The following SERPINB7 variants were observed in gnomAD, a reference collection of about 807,000 sequenced individuals.
SERPINB7 encodes the protein serpin B7.
In SERPINB7, 31 loss-of-function variants were observed where a neutral mutation model predicts 37.4. That is an observed-to-expected ratio of 0.83 (90% CI 0.62 to 1.12). SERPINB7 has a LOEUF of 1.12. SERPINB7 is among the 50% of genes most tolerant of loss of function. The probability of loss-of-function intolerance (pLI) is 0.00; values close to 1 mark genes in which losing one functional copy is unlikely to be tolerated. For synonymous variants in SERPINB7, 163 were observed against 166.1 expected (o/e 0.98, Z 0.14); for missense variants, 521 against 455.3 (o/e 1.14, Z -1.31).
At chr18:63,778,729 C>G (rs149967920) in intron 1 of SERPINB7, among the ~76,000 whole-genome samples, 1 of 151,852 alleles carries the variant, frequency 6.6e-6, no homozygotes, top group Non-Finnish European at 1.5e-5. Context: ...TGTTTTGATG[C>G]TAATAATATA....
chr18:63,798,009 A>G (rs1292016955), intron 5 of SERPINB7, among the ~76,000 whole-genome samples: 1 of 152,240 alleles, frequency 6.6e-6, no homozygotes. Context: ...CCCACAGTGC[A>G]CTGAGGTCAG....
intron 1 of SERPINB7, among the ~76,000 whole-genome samples, chr18:63,768,595 A>G (rs940601729): frequency 2.0e-5 from 3 of 152,046 alleles, no homozygotes; most frequent in African/African-American, 7.2e-5. Context: ...TTTTTGTTAC[A>G]TTTTGCATGT....
chr18:63,778,548 A>G (rs2049272703), intron 1 of SERPINB7, among the ~76,000 whole-genome samples: 1 of 152,178 alleles, frequency 6.6e-6, no homozygotes, highest in African/African-American at 2.4e-5. Flanking sequence ...AAGGCACATA[A>G]TTTATCAGTT....
intron 1 of SERPINB7, among the ~76,000 whole-genome samples, chr18:63,759,128 T>C (rs1376820849): frequency 1.3e-5 from 2 of 152,230 alleles, no homozygotes; most frequent in East Asian, 3.8e-4. Flanking sequence ...TATTCTATTC[T>C]ACTCTTCTGA....
chr18:63,785,087 G>T (rs777919194), intron 2 of SERPINB7, among the ~76,000 whole-genome samples: 1 of 152,128 alleles, frequency 6.6e-6, no homozygotes, highest in Non-Finnish European at 1.5e-5. Context: ...TTATGATCTT[G>T]CATGAAGAAA....
chr18:63,767,888 T>G (rs983185108), intron 1 of SERPINB7, among the ~76,000 whole-genome samples: 1 of 152,036 alleles, frequency 6.6e-6, no homozygotes, highest in African/African-American at 2.4e-5. Flanking sequence ...TGGGGTGAGT[T>G]TTGGTAGTTT....
At chr18:63,771,076 T>C (rs896240428), upstream of SERPINB7, among the ~76,000 whole-genome samples, 10 of 151,888 alleles carry the variant, frequency 6.6e-5, no homozygotes, top group African/African-American at 2.4e-4. Context: ...TGGCACTGGG[T>C]GCTTTAGGAA....
intron 1 of SERPINB7, among the ~76,000 whole-genome samples, chr18:63,770,193 A>G (rs2144593814): frequency 6.6e-6 from 1 of 150,456 alleles, no homozygotes; most frequent in South Asian, 2.1e-4. Context: ...CATCCAAAGG[A>G]TTCTTCTTCT....
rs114459081 is a variant in SERPINB7, at chr18:63,792,365, G to C, written c.169-28G>C. The C allele has an allele frequency of 4.9e-4, 758 of 1,545,668 alleles. 6 individuals carry two copies. In the South Asian group the frequency reaches 7.3e-3, roughly 15 times the overall value. ...TGTTCTCGTAACCTCTGATTCTAATGATTGCTTTCCTTGTGCCCTGTTTAC... is the reference window on the plus strand; with the variant it reads ...TGTTCTCGTAACCTCTGATTCTAATCATTGCTTTCCTTGTGCCCTGTTTAC... On this transcript the variant is annotated intron_variant, in intron 2 of 7. Coordinates refer to ENST00000398019, the MANE Select transcript of SERPINB7 (RefSeq NM_003784.4).
At chr18:63,786,002 CGT>C (rs1249790936) in intron 2 of SERPINB7, among the ~76,000 whole-genome samples, 3 of 130,352 alleles carry the variant, frequency 2.3e-5, no homozygotes, top group Admixed American at 7.9e-5. Flanking sequence ...ATATAATATA[CGT>C]ATATATACAC....
intron 1 of SERPINB7, among the ~76,000 whole-genome samples, chr18:63,776,304 C>A (rs1490651073): frequency 1.3e-5 from 2 of 152,008 alleles, no homozygotes; most frequent in African/African-American, 2.4e-5. Context: ...CTTTCACCAA[C>A]AAAACCTCCC....
chr18:63,792,116 G>A (rs111662378), intron 2 of SERPINB7, among the ~76,000 whole-genome samples: 2,552 of 152,260 alleles, frequency 0.017, 79 homozygotes, highest in African/African-American at 0.058. Context: ...TATCACCATA[G>A]CATTTATGTA....
In SERPINB7 at chr18:63,792,412, C is replaced by A. The variant is rs774524304; in HGVS notation, c.188C>A (p.Ala63Asp). The change falls in exon 3 of 8, where the codon GCC (alanine) becomes GAC (aspartate). Residue 63 changes from alanine (A) to aspartate (D), a missense_variant. Transcript: ENST00000398019. ...QIDKLLHVNT[A>D]SGYGNSSNSQ... ...TTACAGTTGCTTCATGTTAACACTG[C>A]CTCAGGATATGGAAACTCTTCTAAT... 3 of 1,604,230 alleles carry A rather than the reference C, an allele frequency of 1.9e-6. No homozygotes were observed. Among genetic ancestry groups the A allele is most frequent in the Non-Finnish European group, 2.6e-6 (3 of 1,171,320 alleles).
chr18:63,795,307 T>C (rs535990859), intron 4 of SERPINB7, among the ~76,000 whole-genome samples: 51 of 152,248 alleles, frequency 3.3e-4, no homozygotes, highest in Admixed American at 1.3e-4. Flanking sequence ...ATGCCTGTAA[T>C]CCCAGCACTT....
chr18:63,794,872 G>A (rs78470845), intron 4 of SERPINB7, among the ~76,000 whole-genome samples: 5,580 of 152,180 alleles, frequency 0.037, 131 homozygotes, highest in African/African-American at 0.07. Flanking sequence ...ATAGACAAAG[G>A]ACAACTAGTG....
chr18:63,771,972 A>G (rs1351627954), upstream of SERPINB7, among the ~76,000 whole-genome samples: 3 of 149,874 alleles, frequency 2.0e-5, no homozygotes, highest in South Asian at 2.1e-4. Context: ...TTTTTTTTTT[A>G]ACTTTTATTT....
chr18:63,801,809 C>T (rs2049552689), intron 7 of SERPINB7, among the ~76,000 whole-genome samples: 1 of 152,230 alleles, frequency 6.6e-6, no homozygotes, highest in African/African-American at 2.4e-5. Flanking sequence ...AAAGGCCAGT[C>T]TTAGGTTCTA....
intron 5 of SERPINB7, 45 bp downstream of exon 5, chr18:63,796,428 T>C: frequency 9.2e-7 from 1 of 1,091,122 alleles, no homozygotes; most frequent in Non-Finnish European, 1.4e-6. Context: ...TTGTCAGTTA[T>C]ATGTGAATAC....
intron 1 of SERPINB7, among the ~76,000 whole-genome samples, chr18:63,762,372 T>A (rs117585473): frequency 5.9e-4 from 90 of 152,352 alleles, no homozygotes; most frequent in Non-Finnish European, 9.7e-4. Context: ...TTTTCTTATC[T>A]CTGCAGAGAC....
Sources: allele counts gnomAD v4.1 joint callset (sites outside exome capture counted in the v4.1 genomes callset), GRCh38; gene constraint gnomAD v4.1.1; transcripts MANE v1.5; gene names NCBI Gene and HGNC (gene_info 2026-07-23, HGNC 2026-07-21).